SKAP1: variants seen among roughly 807,000 people sequenced by gnomAD.
SKAP1 encodes the protein src kinase-associated phosphoprotein 1.
Under a neutral mutation model 58.5 loss-of-function variants are expected in SKAP1, and 44 were observed. The ratio of observed to expected loss-of-function variants is 0.75; its 90% CI spans 0.59 to 0.97. SKAP1 has a LOEUF of 0.97. SKAP1 is among the 50% of genes least tolerant of loss of function. The pLI, the probability that SKAP1 is intolerant of heterozygous loss-of-function variation, is 0.00. For synonymous variants in SKAP1, 127 were observed against 149.7 expected (o/e 0.85, Z 1.11); for missense variants, 390 against 435.2 (o/e 0.90, Z 0.92).
intron 11 of SKAP1, among the ~76,000 whole-genome samples, chr17:48,160,255 G>A (rs1216944727): frequency 1.3e-5 from 2 of 151,986 alleles, no homozygotes; most frequent in African/African-American, 4.8e-5. Flanking sequence ...TCAGCTTCCA[G>A]AGTAGCTGAG....
intron 4 of SKAP1, among the ~76,000 whole-genome samples, chr17:48,251,411 T>C (rs1345528762): frequency 6.6e-6 from 1 of 152,206 alleles, no homozygotes; most frequent in Non-Finnish European, 1.5e-5. Context: ...ACCATTCACA[T>C]TGTTATAGTT....
intron 4 of SKAP1, among the ~76,000 whole-genome samples, chr17:48,283,954 C>T (rs2065799307): frequency 6.6e-6 from 1 of 152,220 alleles, no homozygotes; most frequent in Non-Finnish European, 1.5e-5. Context: ...CAATGCCATT[C>T]TCTGTCTACT....
intron 11 of SKAP1, among the ~76,000 whole-genome samples, chr17:48,138,357 A>T (rs1282949892): frequency 1.3e-5 from 2 of 150,546 alleles, no homozygotes; most frequent in East Asian, 3.9e-4. Flanking sequence ...GGTGCGTGCC[A>T]TCACACCCGG....
At chr17:48,327,939 TG>T (rs2066459298) in intron 4 of SKAP1, among the ~76,000 whole-genome samples, 1 of 152,210 alleles carries the variant, frequency 6.6e-6, no homozygotes, top group South Asian at 2.1e-4. Flanking sequence ...GCCGTGCCTC[TG>T]TTTCTTAATC....
intron 4 of SKAP1, among the ~76,000 whole-genome samples, chr17:48,251,289 C>T (rs923171838): frequency 5.3e-5 from 8 of 152,310 alleles, no homozygotes; most frequent in African/African-American, 1.9e-4. Flanking sequence ...TTAATGAACA[C>T]TTATAAAGAC....
intron 10 of SKAP1, among the ~76,000 whole-genome samples, chr17:48,165,046 G>A (rs560744094): frequency 1.1e-4 from 16 of 152,236 alleles, no homozygotes; most frequent in Non-Finnish European, 1.3e-4. Context: ...CCTCTCAAGG[G>A]TACCTTCTAG....
rs1404148179 is a variant in SKAP1 at position 48,263,266 on chromosome 17, A to G, written c.281-73766T>C. 2.6e-5 allele frequency among the ~76,000 whole-genome samples: 4 copies of G among 152,290 alleles called. No homozygotes were observed. In the East Asian group the frequency reaches 5.8e-4, roughly 22 times the overall value. ...TGAGTATAACCAATATGTGGTTCAG[A>G]TTTATGGATTATGGATTTTAAAACA... On this transcript the variant is annotated intron_variant, in intron 4 of 12. Coordinates refer to ENST00000336915, the MANE Select transcript of SKAP1 (RefSeq NM_003726.4).
chr17:48,257,628 CTTTTTTTT>C (rs56225931), intron 4 of SKAP1, among the ~76,000 whole-genome samples: 12,589 of 111,324 alleles, frequency 0.11, 829 homozygotes, highest in African/African-American at 0.2. Context: ...TTCTTTCTTT[CTTTTTTTT>C]TTTTTTTTTT....
At chr17:48,356,732 A>G (rs1396246660) in intron 3 of SKAP1, among the ~76,000 whole-genome samples, 1 of 152,244 alleles carries the variant, frequency 6.6e-6, no homozygotes. Context: ...TAACATTAAA[A>G]AATAATACAT....
chr17:48,214,881 C>T (rs957712918), intron 4 of SKAP1, among the ~76,000 whole-genome samples: 20 of 145,724 alleles, frequency 1.4e-4, no homozygotes, highest in East Asian at 2.2e-4. Context: ...GAGATTGCGC[C>T]GCTGCACTCC....
chr17:48,187,946 G>A lies in SKAP1; in HGVS notation c.359-20C>T, dbSNP rs779029837. On this transcript the variant is annotated intron_variant, in intron 5 of 12. Coordinates refer to ENST00000336915, the MANE Select transcript of SKAP1 (RefSeq NM_003726.4). ...TATGATCTAAACAGAACAGCAGTAGGGGACATAAATTCAGGTAACTACCAT... is the reference window on the plus strand; with the variant it reads ...TATGATCTAAACAGAACAGCAGTAGAGGACATAAATTCAGGTAACTACCAT... The A allele has an allele frequency of 6.3e-7, 1 of 1,589,184 alleles. No homozygotes were observed.
intron 4 of SKAP1, among the ~76,000 whole-genome samples, chr17:48,322,401 G>A (rs2066378511): frequency 6.6e-6 from 1 of 152,152 alleles, no homozygotes; most frequent in Admixed American, 6.5e-5. Flanking sequence ...TTTGGGGGTG[G>A]GAAAATTACT....
chr17:48,199,511 A>G (rs982763825), intron 4 of SKAP1, among the ~76,000 whole-genome samples: 1 of 152,150 alleles, frequency 6.6e-6, no homozygotes. Flanking sequence ...TTCAGTTCAA[A>G]TGTCACATCC....
intron 3 of SKAP1, among the ~76,000 whole-genome samples, chr17:48,360,350 A>G (rs968697943): frequency 6.6e-6 from 1 of 152,180 alleles, no homozygotes; most frequent in Non-Finnish European, 1.5e-5. Context: ...AACTCATTTT[A>G]TAAAAGGGGA....
At chr17:48,366,687 G>C (rs1446366741) in intron 2 of SKAP1, among the ~76,000 whole-genome samples, 3 of 152,134 alleles carry the variant, frequency 2.0e-5, no homozygotes, top group Non-Finnish European at 4.4e-5. Flanking sequence ...GTAAAACATA[G>C]CTAATCAAGC....
At chr17:48,275,906 A>C (rs944106706) in intron 4 of SKAP1, among the ~76,000 whole-genome samples, 4 of 152,218 alleles carry the variant, frequency 2.6e-5, no homozygotes, top group Admixed American at 6.5e-5. Context: ...GTGAAGAAGG[A>C]TTTGATAGTG....
At chr17:48,246,166 G>A (rs138632125) in intron 4 of SKAP1, among the ~76,000 whole-genome samples, 15 of 152,236 alleles carry the variant, frequency 9.9e-5, no homozygotes, top group Admixed American at 3.9e-4. Flanking sequence ...TTCATTATCC[G>A]TACTGTATCT....
At chr17:48,432,452 A>G (rs550881808), upstream of SKAP1, among the ~76,000 whole-genome samples, 16 of 152,036 alleles carry the variant, frequency 1.1e-4, no homozygotes, top group Admixed American at 3.3e-4. Context: ...AAAGAAAGAA[A>G]GAAAGTATAG....
chr17:48,149,612 C>A (rs1427151558), intron 11 of SKAP1, among the ~76,000 whole-genome samples: 1 of 152,112 alleles, frequency 6.6e-6, no homozygotes, highest in Admixed American at 6.5e-5. Flanking sequence ...GGTGTCACAG[C>A]CAGATCCACC....
Sources: gnomAD v4.1 joint callset for allele counts (sites outside exome capture counted in the v4.1 genomes callset) on GRCh38, gnomAD v4.1.1 for gene constraint, MANE v1.5 for transcripts, NCBI Gene and HGNC (gene_info 2026-07-23, HGNC 2026-07-21) for gene names.